The following UBR2 variants were observed in gnomAD, a reference collection of about 807,000 sequenced individuals.
UBR2 encodes the protein ubiquitin protein ligase E3 component n-recognin 2.
A neutral mutation model predicts 247.9 loss-of-function variants in UBR2; 92 were observed. That is an observed-to-expected ratio of 0.37 (90% confidence interval 0.31 to 0.44). The LOEUF is 0.44. Among genes scored for constraint, UBR2 ranks in the 20% least tolerant of loss-of-function variants. The pLI, the probability that UBR2 is intolerant of heterozygous loss-of-function variation, is 1.00. For synonymous variants in UBR2, 672 were observed against 693.5 expected, an observed-to-expected ratio of 0.97 and a Z score of 0.49; for missense variants, 1,613 against 2,112.6, an observed-to-expected ratio of 0.76 and a Z score of 4.64.
At chr6:42,657,878 G>A (rs1373715315) in intron 26 of UBR2, 146 bp from the exon 27 acceptor site, 1 of 571,996 alleles carries the variant, frequency 1.7e-6, no homozygotes, top group African/African-American at 1.9e-5. Context: ...TTCTCAAGAA[G>A]TATTGAAAAT....
rs1794454249 is a variant in UBR2 at position 42,615,101 on chromosome 6, G to C, written c.1016G>C (p.Gly339Ala). 6.2e-7 allele frequency: 1 copy of C among 1,613,110 alleles called. No homozygotes were observed. Among genetic ancestry groups the C allele is most frequent in the Admixed American group, 1.7e-5 (1 of 59,876 alleles). ...CTTCGCCGGATTTTATGTCAAGTTG[G>C]TTTACAAGAAGGGCCAGATGGTGAA... is the stretch of plus-strand genomic sequence containing the variant. ...DGLRRILCQV[G>A]LQEGPDGENS... is the part of the protein sequence containing the mutation. The change falls in exon 9 of 47, where the codon GGT (glycine) becomes GCT (alanine). Residue 339 changes from glycine (G) to alanine (A), a missense_variant. Physicochemically the swap from Gly to Ala is moderately conservative, Grantham distance 60 (BLOSUM62 0). Around this residue, in one of 3 missense-constraint regions of UBR2, gnomAD observed 1,524 missense variants for 1,967.3 expected, o/e 0.77. Transcript: ENST00000372901.
intron 40 of UBR2, among the ~76,000 whole-genome samples, chr6:42,677,703 G>A (rs745817979): frequency 4.6e-5 from 7 of 152,086 alleles, no homozygotes; most frequent in Non-Finnish European, 8.8e-5. Context: ...CACCCAGGCA[G>A]GTGAAGGCTG....
At chr6:42,639,637 C>T (rs890797204) in intron 15 of UBR2, among the ~76,000 whole-genome samples, 1 of 152,132 alleles carries the variant, frequency 6.6e-6, no homozygotes, top group African/African-American at 2.4e-5. Context: ...CAGTAAGGAC[C>T]GTGAATTCCA....
At position 42,619,453 on chromosome 6, in the gene UBR2, A is replaced by ATTTTTTTT. The variant is rs1554251969; in HGVS notation, c.1281+1951_1281+1958dup. 104 of 23,824 alleles carry ATTTTTTTT rather than the reference A, an allele frequency of 4.4e-3. 7 individuals carry two copies. Among genetic ancestry groups the ATTTTTTTT allele is most frequent in the African/African-American group, 9.6e-3 (78 of 8,086 alleles). 1.5% of individuals were successfully genotyped at this position (23,824 alleles called of 1,614,324 possible). On this transcript the variant is annotated intron_variant, in intron 11 of 46. Transcript: ENST00000372901. ...TATATATATATATATATATATATAT[A>ATTTTTTTT]TTTTTTTTTTTTAGTTCTCTATCTC...
At chr6:42,640,733 T>C (rs1476730594) in intron 16 of UBR2, among the ~76,000 whole-genome samples, 1 of 152,000 alleles carries the variant, frequency 6.6e-6, no homozygotes, top group East Asian at 1.9e-4. Flanking sequence ...GATTTTTTTT[T>C]ATTTTTATTT....
chr6:42,640,897 T>A (rs1796402493), intron 16 of UBR2, among the ~76,000 whole-genome samples: 1 of 151,766 alleles, frequency 6.6e-6, no homozygotes. Context: ...CCCAGCTAAT[T>A]TTTGTATTTT....
At chr6:42,592,697 G>A (rs918051037) in intron 3 of UBR2, among the ~76,000 whole-genome samples, 4 of 152,148 alleles carry the variant, frequency 2.6e-5, no homozygotes, top group Non-Finnish European at 4.4e-5. Flanking sequence ...ATTGGAAATT[G>A]AAGACAGACC....
intron 11 of UBR2, chr6:42,619,360 C>G (rs1285066033): frequency 3.1e-5 from 4 of 129,740 alleles, no homozygotes; most frequent in African/African-American, 1.2e-4. Flanking sequence ...CTTGTTTATT[C>G]AAATGTTATT....
chr6:42,681,886 T>C (rs1008482303), intron 42 of UBR2, among the ~76,000 whole-genome samples: 2 of 152,216 alleles, frequency 1.3e-5, no homozygotes, highest in Non-Finnish European at 2.9e-5. Context: ...AAATGTGGTG[T>C]GTACACACAC....
chr6:42,629,218 T>C (rs1372957398), intron 11 of UBR2, among the ~76,000 whole-genome samples: 1 of 152,054 alleles, frequency 6.6e-6, no homozygotes, highest in African/African-American at 2.4e-5. Context: ...GGTTTCGCCA[T>C]GTTGGCCAGA....
intron 14 of UBR2, among the ~76,000 whole-genome samples, chr6:42,636,407 G>A (rs995003335): frequency 3.9e-5 from 6 of 151,942 alleles, no homozygotes; most frequent in Non-Finnish European, 8.8e-5. Flanking sequence ...TTGAATTCCT[G>A]GGCTCAAGCG....
chr6:42,595,139 T>A (rs921441919), intron 4 of UBR2, among the ~76,000 whole-genome samples: 1 of 152,152 alleles, frequency 6.6e-6, no homozygotes, highest in African/African-American at 2.4e-5. Context: ...ACCTCAAGCA[T>A]TTAACATTAT....
In UBR2 at chr6:42,689,786, G is replaced by A. The variant is rs766921413; in HGVS notation, c.5126+116G>A. On this transcript the variant is annotated intron_variant, in intron 46 of 46. Coordinates refer to ENST00000372901, the MANE Select transcript of UBR2 (RefSeq NM_001363705.2). This position sits in a 1 kb window ranked among gnomAD's most constrained non-coding sequence, Gnocchi z 4.0. ...TGGAAGAGGTGGCTGTGTTATCTGT[G>A]GAGTCTTCCAAGGAGGGTGCCCTGT... 3.4e-4 allele frequency: 315 copies of A among 918,898 alleles called. 1 individual carries two copies. The highest frequency in any genetic ancestry group is 1.2e-4 in the Admixed American group (6 of 51,922). 56.9% of individuals were successfully genotyped at this position (918,898 alleles called of 1,614,324 possible).
intron 11 of UBR2, chr6:42,620,047 T>C (rs1023131663): frequency 2.1e-6 from 2 of 934,840 alleles, no homozygotes; most frequent in African/African-American, 3.6e-5. Context: ...ATCTGTCTGG[T>C]CTATCTGGAT....
At chr6:42,575,415 A>C (rs1442573484) in intron 2 of UBR2, among the ~76,000 whole-genome samples, 3 of 152,210 alleles carry the variant, frequency 2.0e-5, no homozygotes, top group Non-Finnish European at 4.4e-5. Context: ...CAGTAGACCT[A>C]GTTGAACCTC....
intron 14 of UBR2, among the ~76,000 whole-genome samples, chr6:42,636,217 G>A (rs1796087886): frequency 7.7e-6 from 1 of 130,360 alleles, no homozygotes; most frequent in African/African-American, 2.9e-5. Context: ...TTACTCTGTT[G>A]CCCAGGCCAG....
chr6:42,614,886 A>G (rs1403563310), intron 8 of UBR2, among the ~76,000 whole-genome samples, 185 bp from the exon 9 acceptor site: 1 of 152,190 alleles, frequency 6.6e-6, no homozygotes, highest in Admixed American at 6.5e-5. Context: ...GTGATGTGAG[A>G]TTTGAAATTT....
chr6:42,616,010 A>G lies in UBR2; in HGVS notation c.1102A>G (p.Ser368Gly), dbSNP rs375252418. ...TGATCTTTTTCTACAAGGTGCTAGGAGTGTATATCATCAGTTGTTCATGAG... is the reference window on the plus strand; with the variant it reads ...TGATCTTTTTCTACAAGGTGCTAGGGGTGTATATCATCAGTTGTTCATGAG... ...SDSKLWKGARSVYHQLFMSSL... is the reference protein window; with the variant it reads ...SDSKLWKGARGVYHQLFMSSL... Residue 368 changes from serine to glycine, a missense_variant, in exon 10 of 47, where the codon AGT becomes GGT. Physicochemically the swap from Ser to Gly is moderately conservative, Grantham distance 56. This residue lies in a region of UBR2 where 1,524 missense variants were observed against 1,967.3 expected (regional missense o/e 0.77). Coordinates refer to ENST00000372901, the MANE Select transcript of UBR2 (RefSeq NM_001363705.2). 1 of 1,601,634 alleles carries G rather than the reference A, an allele frequency of 6.2e-7. No individual in the cohort carries two copies.
intron 40 of UBR2, among the ~76,000 whole-genome samples, chr6:42,677,613 A>G (rs924605359): frequency 2.6e-5 from 4 of 151,776 alleles, no homozygotes; most frequent in African/African-American, 9.7e-5. Flanking sequence ...CCCTGTCTCT[A>G]CCAAAAAATA....
Sources: allele counts gnomAD v4.1 joint callset (sites outside exome capture counted in the v4.1 genomes callset), GRCh38; gene constraint gnomAD v4.1.1; regional missense constraint gnomAD v4.1.1; non-coding constraint Gnocchi (gnomAD v3.1); transcripts MANE v1.5; gene names NCBI Gene and HGNC (gene_info 2026-07-23, HGNC 2026-07-21).